The following CDH13 variants were observed in gnomAD, a reference collection of about 807,000 sequenced individuals.
The protein encoded by CDH13 is cadherin 13.
Under a neutral mutation model 63.8 loss-of-function variants are expected in CDH13, and 24 were observed. The ratio of observed to expected loss-of-function variants is 0.38; its 90% CI spans 0.27 to 0.53. The LOEUF (loss-of-function observed/expected upper bound fraction) is 0.53. Ranked by LOEUF, CDH13 falls within the 20% of genes least tolerant of loss-of-function variation. The pLI is 0.85. For synonymous variants in CDH13, 503 were observed against 355.3 expected, an observed-to-expected ratio of 1.42 and a Z score of -4.67; for missense variants, 1,049 against 903.1, an observed-to-expected ratio of 1.16 and a Z score of -2.07.
At position 83,048,126 on chromosome 16, in the gene CDH13, G is replaced by T. The variant is rs188092972; in HGVS notation, c.366+15908G>T. Among the ~76,000 whole-genome samples the T allele has an allele frequency of 2.0e-5, 3 of 152,260 alleles. No individual in the cohort carries two copies. The South Asian group carries it at 6.2e-4, about 32-fold the overall frequency. ...TGTGTCGTCCTGGAGAATGATTTCC[G>T]CATGCAGAAATCTAATTGAATTTAA... On this transcript the variant is annotated intron_variant, in intron 3 of 13. Coordinates refer to ENST00000567109, the MANE Select transcript of CDH13 (RefSeq NM_001257.5).
chr16:83,370,686 G>A (rs548950547), intron 6 of CDH13, among the ~76,000 whole-genome samples: 1 of 152,134 alleles, frequency 6.6e-6, no homozygotes, highest in African/African-American at 2.4e-5. Flanking sequence ...TGTGTACTCA[G>A]TGTTTAGCTC....
chr16:82,876,045 T>A lies in CDH13; in HGVS notation c.157+17572T>A, dbSNP rs563059947. Among the ~76,000 whole-genome samples the A allele has an allele frequency of 6.6e-4, 101 of 152,304 alleles. 1 individual carries two copies. Among genetic ancestry groups the A allele is most frequent in the Non-Finnish European group, 1.5e-4 (10 of 68,020 alleles). ...AGGGGAACTCCTCTTTTTAAAATCA[T>A]CAGCTCTCATGAGACTCATTCACTA... On this transcript the variant is annotated intron_variant, in intron 2 of 13. Transcript: ENST00000567109.
chr16:83,549,703 A>G (rs1335189217), intron 7 of CDH13, among the ~76,000 whole-genome samples: 1 of 152,182 alleles, frequency 6.6e-6, no homozygotes, highest in Non-Finnish European at 1.5e-5. Flanking sequence ...AATCAAGTTA[A>G]TGAAAACGCT....
intron 1 of CDH13, among the ~76,000 whole-genome samples, chr16:82,782,876 A>G (rs1202810795): frequency 6.6e-6 from 1 of 152,082 alleles, no homozygotes; most frequent in Non-Finnish European, 1.5e-5. Context: ...CGAGGTCTTT[A>G]TGACTTTCCA....
chr16:83,256,899 T>C (rs2151831540), intron 5 of CDH13, among the ~76,000 whole-genome samples: 1 of 149,512 alleles, frequency 6.7e-6, no homozygotes, highest in South Asian at 2.1e-4. Context: ...GACTTCATGC[T>C]CCCTGGCTTT....
intron 1 of CDH13, chr16:82,825,033 T>G (rs1393144152): frequency 6.6e-6 from 1 of 152,206 alleles, no homozygotes; most frequent in Non-Finnish European, 1.5e-5. Context: ...TGAGTGGATG[T>G]GTGCTCAGGT....
chr16:83,583,407 T>C (rs1198392379), intron 7 of CDH13, among the ~76,000 whole-genome samples: 2 of 152,250 alleles, frequency 1.3e-5, no homozygotes, highest in Non-Finnish European at 2.9e-5. Flanking sequence ...CTATCATTCT[T>C]AGTTCCTTTG....
chr16:83,349,820 T>C (rs1388995954), intron 6 of CDH13, among the ~76,000 whole-genome samples: 2 of 152,036 alleles, frequency 1.3e-5, no homozygotes, highest in Non-Finnish European at 2.9e-5. Flanking sequence ...AGGCTGGTCT[T>C]GAACTCCTGA....
At chr16:83,346,331 G>A (rs902446182) in intron 6 of CDH13, among the ~76,000 whole-genome samples, 3 of 152,138 alleles carry the variant, frequency 2.0e-5, no homozygotes, top group African/African-American at 7.2e-5. Flanking sequence ...ATGGCTTCTG[G>A]TGAGAAACAC....
chr16:83,136,907 G>C (rs2036314586), intron 4 of CDH13, among the ~76,000 whole-genome samples: 1 of 152,224 alleles, frequency 6.6e-6, no homozygotes, highest in Admixed American at 6.5e-5. Flanking sequence ...TGGAGTGTTT[G>C]CAGCTACTTT....
chr16:83,191,565 A>T (rs1242820697), intron 4 of CDH13, among the ~76,000 whole-genome samples: 3 of 145,094 alleles, frequency 2.1e-5, no homozygotes, highest in South Asian at 4.4e-4. Flanking sequence ...ATACACACAC[A>T]CATATATATG....
chr16:83,597,394 C>A (rs1012776213), intron 7 of CDH13, among the ~76,000 whole-genome samples: 1 of 152,046 alleles, frequency 6.6e-6, no homozygotes, highest in East Asian at 1.9e-4. Flanking sequence ...CAAATTGTGT[C>A]GCTATGTAAA....
At chr16:83,112,533 C>T (rs2035107152) in intron 3 of CDH13, among the ~76,000 whole-genome samples, 1 of 151,968 alleles carries the variant, frequency 6.6e-6, no homozygotes, top group Non-Finnish European at 1.5e-5. Flanking sequence ...AAGAAATAGC[C>T]AAAAAGGAGG....
At chr16:83,316,348 G>A (rs1047968033) in intron 5 of CDH13, among the ~76,000 whole-genome samples, 1 of 152,170 alleles carries the variant, frequency 6.6e-6, no homozygotes, top group Admixed American at 6.5e-5. Flanking sequence ...TGATACACTG[G>A]CCTAGTGGAG....
chr16:83,174,377 C>T (rs1021159765), intron 4 of CDH13, among the ~76,000 whole-genome samples: 1 of 152,026 alleles, frequency 6.6e-6, no homozygotes, highest in Admixed American at 6.6e-5. Flanking sequence ...ATTAATTTGT[C>T]TTTCCAATAT....
At chr16:83,490,746 G>C (rs976923716) in intron 7 of CDH13, among the ~76,000 whole-genome samples, 6 of 152,184 alleles carry the variant, frequency 3.9e-5, no homozygotes, top group Non-Finnish European at 5.9e-5. Flanking sequence ...GATTCACACT[G>C]GCTTGAAAGC....
At chr16:83,611,880 C>T (rs1908891929) in intron 8 of CDH13, among the ~76,000 whole-genome samples, 1 of 152,016 alleles carries the variant, frequency 6.6e-6, no homozygotes, top group South Asian at 2.1e-4. Context: ...TAGAAAGCAT[C>T]CACTATATGA....
At chr16:83,014,813 T>TATA (rs1914576068) in intron 2 of CDH13, among the ~76,000 whole-genome samples, 1 of 80,964 alleles carries the variant, frequency 1.2e-5, no homozygotes, top group Non-Finnish European at 2.4e-5. Context: ...TGTATATATA[T>TATA]TTGTATATAT....
chr16:83,605,717 T>C (rs1346549439), intron 8 of CDH13, among the ~76,000 whole-genome samples: 2 of 152,200 alleles, frequency 1.3e-5, no homozygotes, highest in Non-Finnish European at 2.9e-5. Flanking sequence ...ATGAGAAAGA[T>C]ATTATTATGA....
Sources: gnomAD v4.1 joint callset for allele counts (sites outside exome capture counted in the v4.1 genomes callset) on GRCh38, gnomAD v4.1.1 for gene constraint, MANE v1.5 for transcripts, NCBI Gene and HGNC (gene_info 2026-07-23, HGNC 2026-07-21) for gene names.